The following PTPRD variants were observed in gnomAD, a reference collection of about 807,000 sequenced individuals.
The protein encoded by PTPRD is protein tyrosine phosphatase receptor type D.
In PTPRD, 34 loss-of-function variants were observed where a neutral mutation model predicts 214.5. The ratio of observed to expected loss-of-function variants is 0.16; its 90% CI spans 0.12 to 0.21. PTPRD has a LOEUF of 0.21. Ranked by LOEUF, PTPRD falls within the 10% of genes least tolerant of loss-of-function variation. The pLI, the probability that PTPRD is intolerant of heterozygous loss-of-function variation, is 1.00. For synonymous variants in PTPRD, 1,128 were observed against 845.7 expected (o/e 1.33, Z -5.79); for missense variants, 2,545 against 2,398.7 (o/e 1.06, Z -1.27).
intron 8 of PTPRD, among the ~76,000 whole-genome samples, chr9:9,544,286 T>C (rs565971175): frequency 2.6e-5 from 4 of 151,800 alleles, no homozygotes; most frequent in African/African-American, 9.6e-5. Context: ...TCTGCGACAT[T>C]TTAATTAATT....
chr9:10,112,004 CCTGATTGA>C (rs1315414628), intron 3 of PTPRD, among the ~76,000 whole-genome samples: 2 of 152,144 alleles, frequency 1.3e-5, no homozygotes, highest in Non-Finnish European at 2.9e-5. Flanking sequence ...GCTATGTAGG[CCTGATTGA>C]CTGATTGACT....
rs72694975 is a variant in PTPRD at position 9,099,596 on chromosome 9, G to A, written c.-142-80861C>T. Among the ~76,000 whole-genome samples, 1,173 of 152,144 alleles carry A rather than the reference G, an allele frequency of 7.7e-3. 7 individuals are homozygous for A. Among genetic ancestry groups the A allele is most frequent in the Non-Finnish European group, 0.011 (741 of 67,972 alleles). On this transcript the variant is annotated intron_variant, in intron 10 of 45. Transcript: ENST00000381196. ...AACAATATCTACTTGAGTTACTACC[G>A]GGCAGGTAGCAGATATTTGCTTATA... is the stretch of plus-strand genomic sequence containing the variant.
chr9:8,449,045 G>T (rs1368035319), intron 34 of PTPRD, among the ~76,000 whole-genome samples: 1 of 152,112 alleles, frequency 6.6e-6, no homozygotes, highest in African/African-American at 2.4e-5. Context: ...ATAGATCTAG[G>T]CATGAATAAA....
chr9:9,604,530 T>C (rs933426618), intron 7 of PTPRD, among the ~76,000 whole-genome samples: 2 of 152,140 alleles, frequency 1.3e-5, no homozygotes, highest in Non-Finnish European at 2.9e-5. Context: ...TAAGAAATCA[T>C]ATAAACTCTT....
intron 3 of PTPRD, among the ~76,000 whole-genome samples, chr9:10,065,965 T>G (rs761324324): frequency 4.6e-5 from 7 of 151,898 alleles, no homozygotes; most frequent in Non-Finnish European, 1.0e-4. Flanking sequence ...AAGACATCAT[T>G]TTGAAGATAG....
intron 2 of PTPRD, among the ~76,000 whole-genome samples, chr9:10,446,056 C>A (rs1388671873): frequency 6.6e-6 from 1 of 151,914 alleles, no homozygotes; most frequent in Non-Finnish European, 1.5e-5. Context: ...AGTATCATTC[C>A]AGAGCGGGGA....
At chr9:9,401,519 C>T (rs1458526511) in intron 8 of PTPRD, among the ~76,000 whole-genome samples, 7 of 151,780 alleles carry the variant, frequency 4.6e-5, no homozygotes, top group Non-Finnish European at 1.0e-4. Flanking sequence ...ACTGACCTTA[C>T]TATATATATA....
intron 5 of PTPRD, among the ~76,000 whole-genome samples, chr9:9,922,550 A>G (rs750268199): frequency 7.9e-5 from 12 of 152,260 alleles, no homozygotes; most frequent in Non-Finnish European, 1.6e-4. Flanking sequence ...ACAACTAAAA[A>G]GGACTGAAAT....
At chr9:9,706,587 G>A (rs1193547315) in intron 7 of PTPRD, among the ~76,000 whole-genome samples, 2 of 152,024 alleles carry the variant, frequency 1.3e-5, no homozygotes, top group Non-Finnish European at 2.9e-5. Context: ...CTACAGTTGT[G>A]TGCCACCACA....
At chr9:10,115,399 A>C (rs889665463) in intron 3 of PTPRD, among the ~76,000 whole-genome samples, 1 of 152,092 alleles carries the variant, frequency 6.6e-6, no homozygotes, top group African/African-American at 2.4e-5. Flanking sequence ...GTAGTCTATA[A>C]AATTATGTTG....
chr9:9,576,400 C>T (rs988070150), intron 7 of PTPRD, among the ~76,000 whole-genome samples: 2 of 152,002 alleles, frequency 1.3e-5, no homozygotes, highest in Non-Finnish European at 2.9e-5. Flanking sequence ...GTAGACCTCC[C>T]GGGCTCATTT....
intron 8 of PTPRD, among the ~76,000 whole-genome samples, chr9:9,465,340 T>C (rs190805476): frequency 3.0e-4 from 45 of 152,250 alleles, no homozygotes; most frequent in African/African-American, 1.1e-3. Flanking sequence ...ATATGGAAAA[T>C]GTATAATGAA....
At chr9:9,645,536 C>G (rs1175662231) in intron 7 of PTPRD, among the ~76,000 whole-genome samples, 1 of 150,560 alleles carries the variant, frequency 6.6e-6, no homozygotes, top group Non-Finnish European at 1.5e-5. Flanking sequence ...TTAATAACTT[C>G]TCAGCATTCT....
chr9:9,458,713 G>C (rs987426790), intron 8 of PTPRD, among the ~76,000 whole-genome samples: 3 of 152,056 alleles, frequency 2.0e-5, no homozygotes, highest in Non-Finnish European at 4.4e-5. Flanking sequence ...GGTCAAGGTA[G>C]GTGGATTGCT....
chr9:8,755,864 T>C (rs1207906747), intron 11 of PTPRD, among the ~76,000 whole-genome samples: 1 of 152,188 alleles, frequency 6.6e-6, no homozygotes, highest in East Asian at 1.9e-4. Flanking sequence ...GCACTGAGAC[T>C]CTAAAGACTG....
At chr9:10,513,638 C>T (rs1004544754) in intron 2 of PTPRD, among the ~76,000 whole-genome samples, 1 of 152,100 alleles carries the variant, frequency 6.6e-6, no homozygotes, top group African/African-American at 2.4e-5. Context: ...AGTGATTTGA[C>T]TTGGCTAATG....
intron 9 of PTPRD, among the ~76,000 whole-genome samples, chr9:9,394,757 A>C (rs548182957): frequency 2.2e-4 from 34 of 152,182 alleles, no homozygotes; most frequent in African/African-American, 8.2e-4. Context: ...ATTGAAAGAA[A>C]GTCAAGAGAG....
chr9:8,331,733 C>T lies in PTPRD; in HGVS notation c.5383G>A (p.Gly1795Ser), dbSNP rs1303270743. The T allele has an allele frequency of 5.7e-6, 9 of 1,590,004 alleles. No individual in the cohort carries two copies. The highest frequency in any genetic ancestry group is 6.8e-6 in the Non-Finnish European group (8 of 1,169,300). Residue 1795 changes from glycine (G) to serine (S), a missense_variant, in exon 44 of 46, where the codon GGC becomes AGC. Transcript: ENST00000381196. Reference protein sequence around the residue: ...REFKVTDARDGQSRTVRQFQF... With the variant: ...REFKVTDARDSQSRTVRQFQF... The stretch of plus-strand genomic sequence containing the variant: ...AACTGCCTTACTGTTCGGGACTGGC[C>T]GTCCTTTAGAAGGAAAGCCACATAC...
chr9:8,828,064 A>T (rs2097210391), intron 11 of PTPRD, among the ~76,000 whole-genome samples: 1 of 152,210 alleles, frequency 6.6e-6, no homozygotes, highest in African/African-American at 2.4e-5. Context: ...TAAATCCCAT[A>T]AAAGTCTACA....
Sources: gnomAD v4.1 joint callset for allele counts (sites outside exome capture counted in the v4.1 genomes callset) on GRCh38, gnomAD v4.1.1 for gene constraint, MANE v1.5 for transcripts, NCBI Gene and HGNC (gene_info 2026-07-23, HGNC 2026-07-21) for gene names.